CLIC5: variants seen among roughly 807,000 people sequenced by gnomAD.
CLIC5 encodes the protein CLIC family member 5.
CLIC5 carries 20 observed loss-of-function variants against 24.7 expected under a neutral mutation model. The ratio of observed to expected loss-of-function variants is 0.81; its 90% CI spans 0.57 to 1.18. CLIC5 has a LOEUF of 1.18. Among genes scored for constraint, CLIC5 ranks in the 50% most tolerant of loss-of-function variants. The pLI is 0.00. For missense variants in CLIC5, 341 were observed against 326.1 expected (o/e 1.05, Z -0.35); for synonymous variants, 159 against 135.6 (o/e 1.17, Z -1.20).
intron 1 of CLIC5, among the ~76,000 whole-genome samples, chr6:46,059,344 C>T (rs1265120672): frequency 2.0e-5 from 3 of 152,212 alleles, no homozygotes; most frequent in Non-Finnish European, 4.4e-5. Flanking sequence ...TTAGGGTTTG[C>T]AACAGATATG....
At chr6:46,042,126 A>G (rs189078104) in intron 1 of CLIC5, among the ~76,000 whole-genome samples, 3 of 152,324 alleles carry the variant, frequency 2.0e-5, no homozygotes, top group African/African-American at 7.2e-5. Context: ...AAGGAGAATA[A>G]TAAATCCAAA....
chr6:45,881,058 A>G (rs1762259004), exon 7 of CLIC5: 1 of 398,374 alleles, frequency 2.5e-6, no homozygotes, highest in Admixed American at 4.4e-5. Context: ...GCCAGTACAG[A>G]CAATGAGTTC....
chr6:45,992,613 T>C (rs889732458), intron 1 of CLIC5, among the ~76,000 whole-genome samples: 1 of 152,176 alleles, frequency 6.6e-6, no homozygotes, highest in African/African-American at 2.4e-5. Flanking sequence ...GTGGCCTGTA[T>C]GTGAATGCAG....
intron 1 of CLIC5, among the ~76,000 whole-genome samples, chr6:46,066,412 A>T (rs1490785362): frequency 1.3e-5 from 2 of 151,984 alleles, no homozygotes; most frequent in Non-Finnish European, 1.5e-5. Flanking sequence ...CTTGCCATAG[A>T]CCCCACTCTA....
At chr6:45,940,634 G>T (rs1439250759) in intron 4 of CLIC5, among the ~76,000 whole-genome samples, 1 of 152,192 alleles carries the variant, frequency 6.6e-6, no homozygotes, top group Admixed American at 6.5e-5. Flanking sequence ...GATTCATGGA[G>T]CACTTAAGTT....
chr6:45,912,742 A>AGG, intron 5 of CLIC5: 1 of 1,529,128 alleles, frequency 6.5e-7, no homozygotes, highest in Non-Finnish European at 8.8e-7. Context: ...ACTTGTTCCT[A>AGG]AGGAGAAGAA....
chr6:45,964,710 T>C (rs916404874), intron 1 of CLIC5, among the ~76,000 whole-genome samples: 6 of 152,202 alleles, frequency 3.9e-5, no homozygotes, highest in African/African-American at 1.2e-4. Context: ...AGCTTTTGAA[T>C]TGTCCCAAAT....
In CLIC5 at chr6:45,898,705, C is replaced by T. The variant is rs1046349315; in HGVS notation, c.*4383G>A. ...TGAAACACTTGTTCTTTTACAAAAGCTAAGCATCTTTTGTTAAGCTAGTTA... is the reference window on the plus strand; with the variant it reads ...TGAAACACTTGTTCTTTTACAAAAGTTAAGCATCTTTTGTTAAGCTAGTTA... On this transcript the variant is annotated 3_prime_UTR_variant, in exon 6 of 6. Coordinates refer to ENST00000339561, the MANE Select transcript of CLIC5 (RefSeq NM_016929.5). The T allele has an allele frequency of 3.3e-5, 5 of 152,592 alleles. No homozygotes were observed. The highest frequency in any genetic ancestry group is 2.6e-4 in the Admixed American group (4 of 15,272). 9.5% of individuals were successfully genotyped at this position (152,592 alleles called of 1,614,324 possible).
At chr6:45,940,124 G>A (rs765737050) in intron 4 of CLIC5, among the ~76,000 whole-genome samples, 2 of 151,944 alleles carry the variant, frequency 1.3e-5, no homozygotes, top group Non-Finnish European at 2.9e-5. Flanking sequence ...CAACTTCCCC[G>A]CATCTTCTGC....
chr6:45,940,555 T>C (rs1405568197), intron 4 of CLIC5, among the ~76,000 whole-genome samples: 2 of 152,232 alleles, frequency 1.3e-5, no homozygotes, highest in East Asian at 3.8e-4. Context: ...TCCTTGGAGC[T>C]TCTGGGGCAT....
Position 46,040,951 on chromosome 6 carries a change from C to T in CLIC5, c.540+38752G>A, listed in dbSNP as rs574229346. 6.2e-4 allele frequency among the ~76,000 whole-genome samples: 95 copies of T among 152,044 alleles called. 1 individual carries two copies. The South Asian group carries it at 0.019, about 30-fold the overall frequency. ...CAGAAGTTAAGCTCTTGGGAACATA[C>T]ATAAAAAAATCCCCCAAATTAAAAA... is the stretch of plus-strand genomic sequence containing the variant. On this transcript the variant is annotated intron_variant, in intron 1 of 5. Transcript: ENST00000185206.
the CLIC5 span, among the ~76,000 whole-genome samples, chr6:46,088,161 CTGTGTGTGTG>C: frequency 4.8e-5 from 7 of 146,340 alleles, no homozygotes; most frequent in Admixed American, 6.8e-5. Flanking sequence ...CGCTCTCTTT[CTGTGTGTGTG>C]TGTGTGTGTG....
chr6:46,079,815 A>G (rs1338799452), exon 1 of CLIC5: 1 of 1,552,238 alleles, frequency 6.4e-7, no homozygotes, highest in Middle Eastern at 1.7e-4. Context: ...ACTGTGCTGA[A>G]TGGTGAAGCT....
At chr6:45,947,315 A>C (rs1055333677) in intron 3 of CLIC5, among the ~76,000 whole-genome samples, 2 of 152,144 alleles carry the variant, frequency 1.3e-5, no homozygotes, top group African/African-American at 4.8e-5. Context: ...GCTAAAGGGC[A>C]TGTGAAGAAT....
chr6:46,113,373 AG>A, the CLIC5 span, among the ~76,000 whole-genome samples: 11 of 152,138 alleles, frequency 7.2e-5, no homozygotes, highest in African/African-American at 2.7e-4. Flanking sequence ...TTCGGGAAGA[AG>A]GGGGGTGGCC....
In CLIC5 at chr6:45,902,871, G is replaced by C; in HGVS notation, c.*217C>G. On this transcript the variant is annotated 3_prime_UTR_variant, in exon 6 of 6. Coordinates refer to ENST00000339561, the MANE Select transcript of CLIC5 (RefSeq NM_016929.5). ...AGGCTGGCCGGCCGAAAGGTGGACT[G>C]TGTCTATCATTTCTGCTAGATTCCT... 1.7e-6 allele frequency: 1 copy of C among 574,008 alleles called. No individual in the cohort carries two copies. Among genetic ancestry groups the C allele is most frequent in the Non-Finnish European group, 3.1e-6 (1 of 327,380 alleles). The allele number at this position is 574,008 out of a possible 1,614,324, so 35.6% of individuals were successfully genotyped here.
At chr6:45,919,482 G>T (rs552471662) in intron 4 of CLIC5, among the ~76,000 whole-genome samples, 4 of 151,966 alleles carry the variant, frequency 2.6e-5, no homozygotes, top group Non-Finnish European at 5.9e-5. Context: ...CTAGTTCCCT[G>T]ACCCTCCCCC....
chr6:46,006,089 AATAC>A lies in CLIC5; in HGVS notation c.63+9387_63+9390del, dbSNP rs1445440428. Reference sequence around the variant, plus strand: ...ATAAATATATATATACACATGTATAAATACATATATATATATATATATACACATG... The same window carrying A: ...ATAAATATATATATACACATGTATAAATATATATATATATATATACACATG... On this transcript the variant is annotated intron_variant, in intron 1 of 5. Coordinates refer to ENST00000339561, the MANE Select transcript of CLIC5 (RefSeq NM_016929.5). Among the ~76,000 whole-genome samples the A allele has an allele frequency of 9.0e-4, 48 of 53,538 alleles. 2 individuals are homozygous for A. Among genetic ancestry groups the A allele is most frequent in the Non-Finnish European group, 1.2e-3 (37 of 29,614 alleles). The allele number at this position is 53,538 out of a possible 152,430, so 35.1% of individuals were successfully genotyped here. A position where few individuals can be genotyped will look rare whatever the true frequency, so the allele number is the denominator to read the frequency against.
At chr6:46,007,582 C>G (rs1419363479) in intron 1 of CLIC5, among the ~76,000 whole-genome samples, 1 of 152,164 alleles carries the variant, frequency 6.6e-6, no homozygotes, top group Non-Finnish European at 1.5e-5. Context: ...TCAGGGCTCT[C>G]CTTATTCCAA....
Sources: allele counts gnomAD v4.1 joint callset (sites outside exome capture counted in the v4.1 genomes callset), GRCh38; gene constraint gnomAD v4.1.1; transcripts MANE v1.5; gene names NCBI Gene and HGNC (gene_info 2026-07-23, HGNC 2026-07-21).